Variants in CACNG2 observed in about 807,000 individuals in gnomAD.
The protein encoded by CACNG2 is voltage-dependent calcium channel gamma-2 subunit.
A neutral mutation model predicts 25.9 loss-of-function variants in CACNG2; 3 were observed. That is an observed-to-expected ratio of 0.12 (90% CI 0.05 to 0.30). The LOEUF is 0.30. Ranked by LOEUF, CACNG2 falls within the 10% of genes least tolerant of loss-of-function variation. The pLI, the probability that CACNG2 is intolerant of heterozygous loss-of-function variation, is 1.00. For synonymous variants in CACNG2, 167 were observed against 173.3 expected, an observed-to-expected ratio of 0.96 and a Z score of 0.29; for missense variants, 341 against 432.5, an observed-to-expected ratio of 0.79 and a Z score of 1.88.
At chr22:36,628,997 A>C (rs983811956) in intron 1 of CACNG2, among the ~76,000 whole-genome samples, 14 of 150,970 alleles carry the variant, frequency 9.3e-5, no homozygotes, top group Non-Finnish European at 1.3e-4. Context: ...ATAAAAAAAA[A>C]CTGACAACTG....
chr22:36,575,594 T>C (rs1935299706), intron 2 of CACNG2, among the ~76,000 whole-genome samples: 1 of 152,086 alleles, frequency 6.6e-6, no homozygotes, highest in South Asian at 2.1e-4. Flanking sequence ...TTTGCCTAGC[T>C]CTCCACGGGA....
chr22:36,676,969 T>TGTGTGTGTGTG (rs58195961), intron 1 of CACNG2, among the ~76,000 whole-genome samples: 20 of 151,192 alleles, frequency 1.3e-4, no homozygotes, highest in South Asian at 4.2e-4. Context: ...TGTGTGTGTG[T>TGTGTGTGTGTG]TTTAAAAATC....
intron 1 of CACNG2, among the ~76,000 whole-genome samples, chr22:36,589,847 T>C (rs1935559452): frequency 6.6e-6 from 1 of 152,170 alleles, no homozygotes; most frequent in Non-Finnish European, 1.5e-5. Flanking sequence ...GTGGGAAAAG[T>C]CTTCATACCA....
At chr22:36,643,048 CCTT>C (rs1247577834) in intron 1 of CACNG2, among the ~76,000 whole-genome samples, 1 of 137,122 alleles carries the variant, frequency 7.3e-6, no homozygotes, top group Non-Finnish European at 1.6e-5. Flanking sequence ...TTTCTTCCTT[CCTT>C]CTTTCTCTCT....
intron 2 of CACNG2, among the ~76,000 whole-genome samples, chr22:36,586,461 G>A (rs1390631971): frequency 1.3e-5 from 2 of 152,194 alleles, no homozygotes; most frequent in Non-Finnish European, 1.5e-5. Flanking sequence ...TTTCTTCCCA[G>A]CTGCCTGGCT....
At chr22:36,566,553 C>T in intron 2 of CACNG2, 60 bp from the exon 3 acceptor site, 2 of 1,595,306 alleles carry the variant, frequency 1.3e-6, no homozygotes, top group East Asian at 2.2e-5. Flanking sequence ...CTGAGGCACA[C>T]AGAGGCAGGT....
chr22:36,565,165 A>G (rs548171879), intron 3 of CACNG2, among the ~76,000 whole-genome samples: 2 of 152,342 alleles, frequency 1.3e-5, no homozygotes, highest in African/African-American at 4.8e-5. Flanking sequence ...TGAGTAACTA[A>G]TAATAGATAT....
chr22:36,638,318 G>T (rs1186392314), intron 1 of CACNG2, among the ~76,000 whole-genome samples: 1 of 152,190 alleles, frequency 6.6e-6, no homozygotes, highest in African/African-American at 2.4e-5. Flanking sequence ...CCCTTCAGAG[G>T]CTTCCCATGG....
chr22:36,564,318 C>T lies in CACNG2; in HGVS notation c.*33G>A, dbSNP rs1233156780. On this transcript the variant is annotated 3_prime_UTR_variant, in exon 4 of 4. Coordinates refer to ENST00000300105, the MANE Select transcript of CACNG2 (RefSeq NM_006078.5). This position sits in a 1 kb window ranked among gnomAD's most constrained non-coding sequence, Gnocchi z 6.7. ...GCCCCGCCCCCGGGGACCGCGCCCTCCTCCCGCGGTCTTCTGGCGAGGCCC... is the reference window on the plus strand; with the variant it reads ...GCCCCGCCCCCGGGGACCGCGCCCTTCTCCCGCGGTCTTCTGGCGAGGCCC... The T allele has an allele frequency of 1.3e-6, 2 of 1,590,440 alleles. No homozygotes were observed. Among genetic ancestry groups the T allele is most frequent in the Admixed American group, 1.8e-5 (1 of 56,636 alleles).
intron 1 of CACNG2, among the ~76,000 whole-genome samples, chr22:36,595,097 C>A (rs1452946860): frequency 1.6e-5 from 2 of 126,672 alleles, no homozygotes; most frequent in East Asian, 4.9e-4. Flanking sequence ...GTATGTGAGT[C>A]TGTGTGCATG....
At chr22:36,614,871 G>A (rs1253635942) in intron 1 of CACNG2, among the ~76,000 whole-genome samples, 2 of 152,226 alleles carry the variant, frequency 1.3e-5, no homozygotes, top group South Asian at 4.1e-4. Flanking sequence ...GCTTATGTCC[G>A]TGGACTTACT....
At position 36,628,651 on chromosome 22, in the gene CACNG2, G is replaced by T. The variant is rs577161400; in HGVS notation, c.212-41103C>A. Among the ~76,000 whole-genome samples, 38 of 152,192 alleles carry T rather than the reference G, an allele frequency of 2.5e-4. No homozygotes were observed. The East Asian group carries it at 6.9e-3, about 28-fold the overall frequency. ...GCCATATAATAAATGTCCTCAGCTT[G>T]GTGTGTGTTTCTGGCATGAAACTGT... On this transcript the variant is annotated intron_variant, in intron 1 of 3. Transcript: ENST00000300105.
intron 1 of CACNG2, among the ~76,000 whole-genome samples, chr22:36,682,835 G>A (rs1363123546): frequency 6.6e-6 from 1 of 152,128 alleles, no homozygotes; most frequent in Non-Finnish European, 1.5e-5. Flanking sequence ...ATTAATAATG[G>A]TGACAAATCT....
chr22:36,643,068 T>G (rs1435593282), intron 1 of CACNG2, among the ~76,000 whole-genome samples: 1 of 148,980 alleles, frequency 6.7e-6, no homozygotes, highest in Non-Finnish European at 1.5e-5. Flanking sequence ...CTCTTTATCT[T>G]CTTTTTCCTT....
intron 1 of CACNG2, among the ~76,000 whole-genome samples, chr22:36,654,368 T>C (rs557906800): frequency 6.6e-6 from 1 of 152,080 alleles, no homozygotes; most frequent in Non-Finnish European, 1.5e-5. Context: ...TAGGATCACT[T>C]GCGTAGGCCA....
At chr22:36,676,932 T>TTGTGTGTGTGTG (rs138729815) in intron 1 of CACNG2, among the ~76,000 whole-genome samples, 8,517 of 141,606 alleles carry the variant, frequency 0.06, 377 homozygotes, top group African/African-American at 0.11. Context: ...TCTTCTAATA[T>TTGTGTGTGTGTG]TGTGTGTGTG....
intron 1 of CACNG2, among the ~76,000 whole-genome samples, chr22:36,693,902 G>A (rs1316805269): frequency 6.6e-6 from 1 of 152,168 alleles, no homozygotes; most frequent in Non-Finnish European, 1.5e-5. Context: ...CTGTTCACTG[G>A]GGTATCTCCT....
chr22:36,652,129 G>T (rs1002695042), intron 1 of CACNG2, among the ~76,000 whole-genome samples: 3 of 152,124 alleles, frequency 2.0e-5, no homozygotes, highest in Non-Finnish European at 2.9e-5. Flanking sequence ...GCCTCCTAAA[G>T]TGCTGAGATT....
chr22:36,614,669 T>A (rs1935996870), intron 1 of CACNG2, among the ~76,000 whole-genome samples: 1 of 151,740 alleles, frequency 6.6e-6, no homozygotes, highest in Non-Finnish European at 1.5e-5. Flanking sequence ...GGCAGGGTGG[T>A]GGGAGCAGCA....
Sources: allele counts gnomAD v4.1 joint callset (sites outside exome capture counted in the v4.1 genomes callset), GRCh38; gene constraint gnomAD v4.1.1; non-coding constraint Gnocchi (gnomAD v3.1); transcripts MANE v1.5; gene names NCBI Gene and HGNC (gene_info 2026-07-23, HGNC 2026-07-21).